The following ANO3 variants were observed in gnomAD, a reference collection of about 807,000 sequenced individuals.
ANO3 encodes the protein anoctamin-3.
A neutral mutation model predicts 144.8 loss-of-function variants in ANO3; 99 were observed. The ratio of observed to expected loss-of-function variants is 0.68; its 90% confidence interval spans 0.58 to 0.81. The LOEUF is 0.81. Among genes scored for constraint, ANO3 ranks in the 30% least tolerant of loss-of-function variants. The pLI is 0.00. For synonymous variants in ANO3, 414 were observed against 392.6 expected, an observed-to-expected ratio of 1.05 and a Z score of -0.64; for missense variants, 905 against 1,202.2, an observed-to-expected ratio of 0.75 and a Z score of 3.66.
intron 12 of ANO3, among the ~76,000 whole-genome samples, chr11:26,550,689 G>T (rs1481796153): frequency 2.6e-5 from 4 of 151,908 alleles, no homozygotes. Flanking sequence ...CATTTGGATT[G>T]TTTCCAAATA....
At chr11:26,338,683 G>C (rs559586679) in intron 1 of ANO3, among the ~76,000 whole-genome samples, 1 of 152,058 alleles carries the variant, frequency 6.6e-6, no homozygotes, top group African/African-American at 2.4e-5. Flanking sequence ...TGAAGTCAAC[G>C]AGACCATGAA....
At chr11:26,453,036 T>A (rs1238911092) in intron 3 of ANO3, among the ~76,000 whole-genome samples, 1 of 151,332 alleles carries the variant, frequency 6.6e-6, no homozygotes. Context: ...TGCTGAGAGA[T>A]TTTGTCACCA....
At chr11:26,501,958 G>A (rs1449143595) in intron 4 of ANO3, among the ~76,000 whole-genome samples, 9 of 152,086 alleles carry the variant, frequency 5.9e-5, no homozygotes, top group Admixed American at 6.6e-5. Flanking sequence ...TGGTTATGTA[G>A]GTGTTTATCT....
chr11:26,515,241 A>T (rs1394729043), intron 5 of ANO3, among the ~76,000 whole-genome samples: 1 of 152,008 alleles, frequency 6.6e-6, no homozygotes, highest in Admixed American at 6.6e-5. Context: ...CTATTTTCCC[A>T]TGTTGATTTG....
chr11:26,619,143 A>G (rs1371878211), intron 17 of ANO3, among the ~76,000 whole-genome samples: 1 of 152,224 alleles, frequency 6.6e-6, no homozygotes, highest in South Asian at 2.1e-4. Flanking sequence ...TTCACCAAAT[A>G]TCTTAGCATC....
chr11:26,561,356 T>C, intron 14 of ANO3: 1 of 698,318 alleles, frequency 1.4e-6, no homozygotes, highest in East Asian at 3.3e-5. Flanking sequence ...TTTTAGATTT[T>C]AGTTTTAAAA....
rs149653662 is a variant in ANO3, at chr11:26,190,554, T to C, written c.154+1224T>C. 2.7e-3 allele frequency among the ~76,000 whole-genome samples: 413 copies of C among 152,312 alleles called. 1 individual carries two copies. Among genetic ancestry groups the C allele is most frequent in the Non-Finnish European group, 4.0e-3 (270 of 68,014 alleles). ...AGACTTGGTTAGAAAAATAGTTTAA[T>C]AAAAAATTGATAGTTTAAATATTCA... is the stretch of plus-strand genomic sequence containing the variant. On this transcript the variant is annotated intron_variant, in intron 1 of 27. Coordinates refer to the ANO3 transcript ENST00000672621.
At chr11:26,215,214 C>T (rs12800986) in intron 1 of ANO3, among the ~76,000 whole-genome samples, 45,357 of 151,826 alleles carry the variant, frequency 0.3, 7,594 homozygotes, top group Non-Finnish European at 0.37. Context: ...GAGAGTTATG[C>T]TTCCACCTCC....
chr11:26,530,999 G>GT (rs1207905843), intron 7 of ANO3, among the ~76,000 whole-genome samples: 3 of 152,182 alleles, frequency 2.0e-5, no homozygotes, highest in African/African-American at 7.2e-5. Flanking sequence ...TCCTGGAAGA[G>GT]TTTAAACAAC....
intron 1 of ANO3, among the ~76,000 whole-genome samples, chr11:26,274,924 A>G (rs1041257745): frequency 6.6e-6 from 1 of 152,048 alleles, no homozygotes; most frequent in South Asian, 2.1e-4. Context: ...AGGGGAAGAG[A>G]AGAAGGAAAC....
At chr11:26,503,183 G>A (rs929257049) in intron 4 of ANO3, among the ~76,000 whole-genome samples, 5 of 152,066 alleles carry the variant, frequency 3.3e-5, no homozygotes, top group Admixed American at 6.5e-5. Flanking sequence ...GAGAAAAAGC[G>A]AATTTTATTC....
At chr11:26,329,580 A>G (rs1023236946), upstream of ANO3, among the ~76,000 whole-genome samples, 83 of 152,200 alleles carry the variant, frequency 5.5e-4, no homozygotes, top group African/African-American at 1.9e-3. Flanking sequence ...AGCTGCACCA[A>G]GGAGGTTAGG....
At chr11:26,647,688 G>A (rs752387441) in intron 23 of ANO3, 21 bp from the exon 24 acceptor site, 1 of 1,584,258 alleles carries the variant, frequency 6.3e-7, no homozygotes. Context: ...TGTTCACCAT[G>A]ATTAATCTTT....
intron 17 of ANO3, among the ~76,000 whole-genome samples, chr11:26,623,640 T>A (rs1852486491): frequency 2.0e-5 from 3 of 152,158 alleles, no homozygotes; most frequent in Admixed American, 2.0e-4. Flanking sequence ...ACAATTTTGT[T>A]TTTTACAAAT....
At chr11:26,291,609 G>C (rs1290459881) in intron 1 of ANO3, among the ~76,000 whole-genome samples, 2 of 152,108 alleles carry the variant, frequency 1.3e-5, no homozygotes, top group Non-Finnish European at 2.9e-5. Flanking sequence ...GCCTGGTGGT[G>C]ACAAAATCTC....
chr11:26,425,165 T>G (rs936929260), intron 1 of ANO3, among the ~76,000 whole-genome samples: 2 of 152,034 alleles, frequency 1.3e-5, no homozygotes, highest in Non-Finnish European at 2.9e-5. Context: ...TCCTTTCCCC[T>G]GTTTCTAGTT....
At chr11:26,311,754 A>G (rs1404234443) in intron 1 of ANO3, among the ~76,000 whole-genome samples, 1 of 152,174 alleles carries the variant, frequency 6.6e-6, no homozygotes, top group Non-Finnish European at 1.5e-5. Context: ...GTCTTAATTT[A>G]AGCCAAATTT....
intron 17 of ANO3, among the ~76,000 whole-genome samples, chr11:26,615,942 T>G (rs1852248033): frequency 6.6e-6 from 1 of 152,240 alleles, no homozygotes; most frequent in African/African-American, 2.4e-5. Context: ...AAAGCCATCT[T>G]TGGAGAGAAA....
chr11:26,631,295 G>T (rs774835732), intron 18 of ANO3, among the ~76,000 whole-genome samples: 1 of 151,354 alleles, frequency 6.6e-6, no homozygotes, highest in Non-Finnish European at 1.5e-5. Context: ...GTTTATTTTT[G>T]TTCTTTCATT....
Sources: allele counts gnomAD v4.1 joint callset (sites outside exome capture counted in the v4.1 genomes callset), GRCh38; gene constraint gnomAD v4.1.1; transcripts MANE v1.5; gene names NCBI Gene and HGNC (gene_info 2026-07-23, HGNC 2026-07-21).